The following MOB1B variants were observed in gnomAD, a reference collection of about 807,000 sequenced individuals.
The protein encoded by MOB1B is MOB kinase activator 1B, also known as MOB1 Mps One Binder homolog B.
A neutral mutation model predicts 24.4 loss-of-function variants in MOB1B; 19 were observed. That is an observed-to-expected ratio of 0.78 (90% CI 0.54 to 1.14). The LOEUF is 1.14. MOB1B is among the 50% of genes most tolerant of loss of function. The pLI is 0.00. For synonymous variants in MOB1B, 76 were observed against 82.1 expected (o/e 0.93, Z 0.40); for missense variants, 243 against 259.6 (o/e 0.94, Z 0.44).
intron 2 of MOB1B, among the ~76,000 whole-genome samples, chr4:70,960,154 T>C (rs1341775070): frequency 1.3e-5 from 2 of 152,182 alleles, no homozygotes; most frequent in Non-Finnish European, 2.9e-5. Flanking sequence ...AGGGCTGGGA[T>C]TACAGGTGTG....
intron 2 of MOB1B, among the ~76,000 whole-genome samples, chr4:70,967,749 A>C (rs187224857): frequency 6.6e-6 from 1 of 152,216 alleles, no homozygotes; most frequent in Non-Finnish European, 1.5e-5. Context: ...AGCATCAAAA[A>C]TATCAACCTA....
chr4:70,924,005 G>A (rs1288474407), intron 1 of MOB1B, among the ~76,000 whole-genome samples: 2 of 151,306 alleles, frequency 1.3e-5, no homozygotes, highest in East Asian at 1.9e-4. Flanking sequence ...TAACTTAGTG[G>A]AAATGTATAA....
chr4:70,971,334 G>A (rs1000151489), intron 3 of MOB1B, among the ~76,000 whole-genome samples: 2 of 151,872 alleles, frequency 1.3e-5, no homozygotes, highest in Admixed American at 1.3e-4. Context: ...AGTGAATCTC[G>A]TCTCTATTAA....
chr4:70,950,600 A>G (rs1055119316), intron 1 of MOB1B: 1 of 524,330 alleles, frequency 1.9e-6, no homozygotes, highest in Non-Finnish European at 3.4e-6. Context: ...TATCAGAGTT[A>G]CTAGGATTAA....
At chr4:70,911,398 A>G (rs1051434694) in intron 1 of MOB1B, among the ~76,000 whole-genome samples, 3 of 151,300 alleles carry the variant, frequency 2.0e-5, no homozygotes, top group African/African-American at 7.3e-5. Flanking sequence ...CATCTTACAT[A>G]TATGTCATAT....
chr4:70,942,099 A>G (rs547933114), intron 1 of MOB1B, among the ~76,000 whole-genome samples: 3 of 152,160 alleles, frequency 2.0e-5, no homozygotes, highest in African/African-American at 7.2e-5. Context: ...CCTTAATTAC[A>G]CATTGGTTAA....
intron 1 of MOB1B, among the ~76,000 whole-genome samples, chr4:70,931,369 T>TA (rs1359301633): frequency 2.6e-5 from 4 of 152,214 alleles, no homozygotes; most frequent in African/African-American, 9.7e-5. Flanking sequence ...TGGTGGTAGT[T>TA]ACAAAACTTA....
At chr4:70,944,236 T>C (rs547632531) in intron 1 of MOB1B, among the ~76,000 whole-genome samples, 5 of 152,326 alleles carry the variant, frequency 3.3e-5, no homozygotes, top group South Asian at 4.1e-4. Context: ...GGTTTCACCA[T>C]GCTGGCCAGG....
chr4:70,949,564 T>C (rs1737718617), intron 1 of MOB1B, among the ~76,000 whole-genome samples: 1 of 152,196 alleles, frequency 6.6e-6, no homozygotes, highest in South Asian at 2.1e-4. Flanking sequence ...GAGTATGTGC[T>C]AAGTATTCAT....
chr4:70,946,574 G>T (rs559356668), intron 1 of MOB1B, among the ~76,000 whole-genome samples: 1 of 152,300 alleles, frequency 6.6e-6, no homozygotes, highest in East Asian at 1.9e-4. Flanking sequence ...TTATACGCAT[G>T]TAAGTGCATG....
At chr4:70,936,073 G>A (rs932287692) in intron 1 of MOB1B, among the ~76,000 whole-genome samples, 3 of 151,818 alleles carry the variant, frequency 2.0e-5, no homozygotes, top group Admixed American at 1.3e-4. Context: ...GGATGGTCTC[G>A]ATCTCCTGAC....
chr4:70,919,630 C>G (rs1440416447), intron 1 of MOB1B, among the ~76,000 whole-genome samples: 1 of 152,122 alleles, frequency 6.6e-6, no homozygotes, highest in African/African-American at 2.4e-5. Context: ...TCCCAGGTAG[C>G]CAGGACTACA....
chr4:70,981,962 T>C lies in MOB1B; in HGVS notation c.574-18T>C, dbSNP rs1380936727. The C allele has an allele frequency of 1.3e-6, 2 of 1,536,256 alleles. No homozygotes were observed. The highest frequency in any genetic ancestry group is 1.8e-6 in the Non-Finnish European group (2 of 1,112,404). On this transcript the variant is annotated intron_variant, in intron 5 of 5. Coordinates refer to ENST00000309395, the MANE Select transcript of MOB1B (RefSeq NM_173468.4). Reference sequence around the variant, plus strand: ...ATGTTTTTGCTATTTATTCTGCCTTTCTTTATATCATGCATAGGAATTCAA... The same window carrying C: ...ATGTTTTTGCTATTTATTCTGCCTTCCTTTATATCATGCATAGGAATTCAA...
At chr4:70,935,869 T>TTTTTTTTTTTTTA (rs1553935524) in intron 1 of MOB1B, among the ~76,000 whole-genome samples, 1 of 148,110 alleles carries the variant, frequency 6.8e-6, no homozygotes, top group African/African-American at 2.5e-5. Flanking sequence ...TTTTTTTTTT[T>TTTTTTTTTTTTTA]GAGACGGAGT....
At chr4:70,974,075 GT>G (rs1738878270) in intron 3 of MOB1B, among the ~76,000 whole-genome samples, 1 of 152,092 alleles carries the variant, frequency 6.6e-6, no homozygotes, top group African/African-American at 2.4e-5. Context: ...TGCTAGTTCA[GT>G]TTAGAGATTT....
Position 70,984,562 on chromosome 4 carries a change from G to A in MOB1B, c.*2505G>A, listed in dbSNP as rs1473751813. On this transcript the variant is annotated 3_prime_UTR_variant, in exon 6 of 6. Transcript: ENST00000309395. Reference sequence around the variant, plus strand: ...TCCCCCTTGCTCTCTATATTAATACGTAGCTATAAAGCAACAGTTGGTTTT... The same window carrying A: ...TCCCCCTTGCTCTCTATATTAATACATAGCTATAAAGCAACAGTTGGTTTT... The A allele has an allele frequency of 1.3e-5, 2 of 152,074 alleles. No individual in the cohort carries two copies. The highest frequency in any genetic ancestry group is 4.8e-5 in the African/African-American group (2 of 41,408). The allele number at this position is 152,074 out of a possible 1,614,324, so 9.4% of individuals were successfully genotyped here.
At chr4:70,953,585 C>CA (rs1737899244) in intron 1 of MOB1B, among the ~76,000 whole-genome samples, 1 of 152,018 alleles carries the variant, frequency 6.6e-6, no homozygotes, top group South Asian at 2.1e-4. Context: ...TCCGGACTCT[C>CA]AAAAAACAAA....
chr4:70,941,382 C>T (rs1237883507), intron 1 of MOB1B, among the ~76,000 whole-genome samples: 1 of 152,202 alleles, frequency 6.6e-6, no homozygotes, highest in East Asian at 1.9e-4. Flanking sequence ...CGCTCTGTTG[C>T]CCAGGCTGGA....
intron 1 of MOB1B, among the ~76,000 whole-genome samples, chr4:70,903,974 C>CTTTTTTTTTTTTTTTTTT (rs754257097): frequency 2.5e-5 from 2 of 81,006 alleles, no homozygotes; most frequent in Admixed American, 2.1e-4. Flanking sequence ...TATTTTAGTT[C>CTTTTTTTTTTTTTTTTTT]TTTTTTTTTT....
Sources: allele counts gnomAD v4.1 joint callset (sites outside exome capture counted in the v4.1 genomes callset), GRCh38; gene constraint gnomAD v4.1.1; transcripts MANE v1.5; gene names NCBI Gene and HGNC (gene_info 2026-07-23, HGNC 2026-07-21).